The following CFAP20DC variants were observed in gnomAD, a reference collection of about 807,000 sequenced individuals.
The protein encoded by CFAP20DC is CFAP20 domain containing.
In CFAP20DC, 84 loss-of-function variants were observed where a neutral mutation model predicts 101.7. That is an observed-to-expected ratio of 0.83 (90% confidence interval 0.69 to 0.99). The LOEUF (loss-of-function observed/expected upper bound fraction) is 0.99, where lower values mean the gene tolerates loss of function less well. Ranked by LOEUF, CFAP20DC falls within the 50% of genes least tolerant of loss-of-function variation. The pLI is 0.00. For synonymous variants in CFAP20DC, 359 were observed against 351.2 expected, an observed-to-expected ratio of 1.02 and a Z score of -0.25; for missense variants, 1,007 against 970.3, an observed-to-expected ratio of 1.04 and a Z score of -0.50.
intron 4 of CFAP20DC, 119 bp downstream of exon 4, chr3:59,039,438 G>C: frequency 1.6e-6 from 1 of 617,702 alleles, no homozygotes; most frequent in Non-Finnish European, 2.8e-6. Flanking sequence ...TTGACTTGAT[G>C]TAAGTCACTG....
rs542121848 is a variant in CFAP20DC at position 58,787,395 on chromosome 3, C to T, written c.2237+19000G>A. On this transcript the variant is annotated intron_variant, in intron 15 of 16. Transcript: ENST00000482387. ...GGGAGATATACCTAATGCTAGATGA[C>T]GAGTTAGTGGGTGCAGCACACCAGC... 4.5e-3 allele frequency among the ~76,000 whole-genome samples: 683 copies of T among 150,298 alleles called. 6 individuals carry two copies. The highest frequency in any genetic ancestry group is 0.016 in the African/African-American group (640 of 40,992).
At chr3:58,817,841 G>A (rs554712777) in intron 14 of CFAP20DC, among the ~76,000 whole-genome samples, 6 of 151,956 alleles carry the variant, frequency 3.9e-5, no homozygotes, top group African/African-American at 4.8e-5. Flanking sequence ...ATAATTGTCA[G>A]ATTCACCAAA....
At position 58,728,118 on chromosome 3, in the gene CFAP20DC, T is replaced by G. The variant is rs1423585337; in HGVS notation, c.198-10490A>C. 1 of 152,238 alleles carries G rather than the reference T, an allele frequency of 6.6e-6. No homozygotes were observed. Among genetic ancestry groups the G allele is most frequent in the African/African-American group, 2.4e-5 (1 of 41,464 alleles). The allele number at this position is 152,238 out of a possible 1,614,324, so 9.4% of individuals were successfully genotyped here. A position where few individuals can be genotyped will look rare whatever the true frequency, so the allele number is the denominator to read the frequency against. On this transcript the variant is annotated intron_variant, in intron 3 of 3. Transcript: ENST00000486145. This position sits in a 1 kb window ranked among gnomAD's most constrained non-coding sequence, Gnocchi z 4.7. ...AGAATGAGCGACCATAGCATGGTAT[T>G]GCATTTTGGTGAGCATGTGCTGCAT...
At chr3:58,862,209 A>T (rs564802645) in intron 12 of CFAP20DC, 6 of 984,846 alleles carry the variant, frequency 6.1e-6, no homozygotes, top group Non-Finnish European at 6.0e-6. Context: ...TTAGTAAGAG[A>T]GATTGTGCTG....
At chr3:58,810,939 G>T (rs980292150) in intron 14 of CFAP20DC, among the ~76,000 whole-genome samples, 1 of 151,972 alleles carries the variant, frequency 6.6e-6, no homozygotes, top group Non-Finnish European at 1.5e-5. Context: ...AATCATGAGT[G>T]AACTCCCATG....
intron 4 of CFAP20DC, among the ~76,000 whole-genome samples, chr3:58,961,841 T>C (rs1267899754): frequency 1.3e-5 from 2 of 152,200 alleles, no homozygotes; most frequent in Admixed American, 6.5e-5. Context: ...TCTCTTATCA[T>C]TTTAATTTCT....
chr3:58,776,068 C>A (rs971933247), intron 15 of CFAP20DC, among the ~76,000 whole-genome samples: 1 of 152,020 alleles, frequency 6.6e-6, no homozygotes, highest in Non-Finnish European at 1.5e-5. Flanking sequence ...GAGAACTTGG[C>A]GCTTCTTTCC....
intron 6 of CFAP20DC, among the ~76,000 whole-genome samples, chr3:58,890,046 C>T (rs888489861): frequency 2.7e-5 from 4 of 149,910 alleles, no homozygotes; most frequent in African/African-American, 9.8e-5. Flanking sequence ...TCATCCTGGC[C>T]CGTTCTCAAT....
chr3:58,757,334 T>C (rs111831711), intron 15 of CFAP20DC, among the ~76,000 whole-genome samples: 89 of 152,172 alleles, frequency 5.8e-4, no homozygotes, highest in South Asian at 1.2e-3. Flanking sequence ...TGTATTTTCA[T>C]ATATTTAAGG....
chr3:58,744,239 G>A (rs2068046535), intron 16 of CFAP20DC, among the ~76,000 whole-genome samples: 1 of 152,064 alleles, frequency 6.6e-6, no homozygotes. Flanking sequence ...AGGAAACCAG[G>A]GTTCACAAAG....
chr3:58,777,266 C>T (rs547320198), intron 15 of CFAP20DC, among the ~76,000 whole-genome samples: 5 of 152,176 alleles, frequency 3.3e-5, no homozygotes, highest in African/African-American at 4.8e-5. Context: ...TTTGTGTTGT[C>T]TTCCCTTTTT....
At chr3:58,781,499 CA>C (rs1186079139) in intron 15 of CFAP20DC, among the ~76,000 whole-genome samples, 3 of 151,644 alleles carry the variant, frequency 2.0e-5, no homozygotes, top group Admixed American at 1.3e-4. Context: ...AAAGGATCAA[CA>C]AAACAAAAAG....
At chr3:58,968,623 C>T (rs1327982696) in intron 4 of CFAP20DC, among the ~76,000 whole-genome samples, 1 of 151,980 alleles carries the variant, frequency 6.6e-6, no homozygotes, top group Non-Finnish European at 1.5e-5. Context: ...TTGTCAGATG[C>T]ATTGTTTGTA....
At chr3:59,028,671 T>A (rs187046953) in intron 4 of CFAP20DC, among the ~76,000 whole-genome samples, 2 of 152,326 alleles carry the variant, frequency 1.3e-5, no homozygotes, top group East Asian at 3.9e-4. Flanking sequence ...AGTTAGTAGC[T>A]GGCAAGTTCC....
chr3:58,823,305 T>C (rs2075817613), intron 14 of CFAP20DC, among the ~76,000 whole-genome samples: 1 of 152,128 alleles, frequency 6.6e-6, no homozygotes, highest in Non-Finnish European at 1.5e-5. Context: ...AACCTATTTC[T>C]AGGTAGGTAG....
intron 3 of CFAP20DC, among the ~76,000 whole-genome samples, chr3:59,041,915 T>G (rs1187526201): frequency 6.6e-6 from 1 of 152,174 alleles, no homozygotes; most frequent in African/African-American, 2.4e-5. Flanking sequence ...CGAAGATTAC[T>G]GAGCACCTAC....
intron 1 of CFAP20DC, among the ~76,000 whole-genome samples, chr3:59,048,535 CAA>C (rs1191503996): frequency 1.3e-5 from 2 of 152,106 alleles, no homozygotes; most frequent in Non-Finnish European, 2.9e-5. Flanking sequence ...CCATGTCCTC[CAA>C]GTTTCCTGTA....
At chr3:58,926,517 G>A (rs1007041299) in intron 5 of CFAP20DC, among the ~76,000 whole-genome samples, 1 of 152,146 alleles carries the variant, frequency 6.6e-6, no homozygotes, top group African/African-American at 2.4e-5. Context: ...TTCTCTAATT[G>A]TATTTTGTAC....
At position 58,729,197 on chromosome 3, in the gene CFAP20DC, A is replaced by G. The variant is rs2067599343; in HGVS notation, c.198-11569T>C. ...CTGTTTATTCTTATTTTAAGCAACTAAGTTTTAGGGTAATGTGTTATGCAG... is the reference window on the plus strand; with the variant it reads ...CTGTTTATTCTTATTTTAAGCAACTGAGTTTTAGGGTAATGTGTTATGCAG... On this transcript the variant is annotated intron_variant, in intron 3 of 3. Coordinates refer to the CFAP20DC transcript ENST00000486145. The surrounding 1 kb of genome is among the most constrained non-coding windows in gnomAD (Gnocchi z 4.4). Among the ~76,000 whole-genome samples the G allele has an allele frequency of 6.6e-6, 1 of 152,206 alleles. No homozygotes were observed. The highest frequency in any genetic ancestry group is 1.5e-5 in the Non-Finnish European group (1 of 68,032).
Sources: gnomAD v4.1 joint callset for allele counts (sites outside exome capture counted in the v4.1 genomes callset) on GRCh38, gnomAD v4.1.1 for gene constraint, Gnocchi (gnomAD v3.1) non-coding constraint, MANE v1.5 for transcripts, NCBI Gene and HGNC (gene_info 2026-07-23, HGNC 2026-07-21) for gene names.